The following PCSK5 variants were observed in gnomAD, a reference collection of about 807,000 sequenced individuals.
PCSK5 encodes the protein prohormone convertase 5.
PCSK5 carries 129 observed loss-of-function variants against 233.2 expected under a neutral mutation model. That is an observed-to-expected ratio of 0.55 (90% CI 0.48 to 0.64). The LOEUF (loss-of-function observed/expected upper bound fraction) is 0.64, where lower values mean the gene tolerates loss of function less well. Ranked by LOEUF, PCSK5 falls within the 30% of genes least tolerant of loss-of-function variation. PCSK5 has a pLI of 0.00. For missense variants in PCSK5, 2,076 were observed against 2,430.1 expected (o/e 0.85, Z 3.06); for synonymous variants, 825 against 879.2 (o/e 0.94, Z 1.09).
intron 1 of PCSK5, among the ~76,000 whole-genome samples, chr9:75,910,237 A>G (rs754869161): frequency 1.4e-4 from 22 of 152,202 alleles, no homozygotes; most frequent in Non-Finnish European, 3.1e-4. Flanking sequence ...AAGGAGAGAA[A>G]AAGATTGTGA....
intron 24 of PCSK5, among the ~76,000 whole-genome samples, chr9:76,243,961 C>T (rs571990388): frequency 7.2e-5 from 11 of 152,306 alleles, no homozygotes; most frequent in South Asian, 2.1e-4. Flanking sequence ...CAATGGCTCA[C>T]GCCTATAATT....
chr9:76,248,630 A>T (rs1177456955), intron 24 of PCSK5, among the ~76,000 whole-genome samples: 2 of 152,226 alleles, frequency 1.3e-5, no homozygotes, highest in African/African-American at 4.8e-5. Flanking sequence ...TCAAAGTACT[A>T]CTACAATTAA....
At chr9:76,172,482 C>T (rs1823372793) in intron 13 of PCSK5, among the ~76,000 whole-genome samples, 1 of 152,066 alleles carries the variant, frequency 6.6e-6, no homozygotes, top group African/African-American at 2.4e-5. Context: ...ATGAATTACA[C>T]AGGAAGGATA....
At chr9:75,922,028 A>G (rs989157453) in intron 1 of PCSK5, among the ~76,000 whole-genome samples, 11 of 152,176 alleles carry the variant, frequency 7.2e-5, no homozygotes, top group Admixed American at 6.5e-4. Flanking sequence ...AAGTCAGGAC[A>G]TTATCCTCAT....
At chr9:76,121,879 A>C (rs1356819391) in intron 9 of PCSK5, among the ~76,000 whole-genome samples, 2 of 37,652 alleles carry the variant, frequency 5.3e-5, no homozygotes, top group African/African-American at 1.4e-4. Context: ...GCTGGAGTGC[A>C]GTGGCGGGAT....
chr9:76,292,545 T>A (rs1287537998), intron 25 of PCSK5, among the ~76,000 whole-genome samples: 1 of 152,170 alleles, frequency 6.6e-6, no homozygotes, highest in Non-Finnish European at 1.5e-5. Context: ...AAGATTCAGA[T>A]CTTGCTGTTC....
At chr9:76,041,170 A>C (rs937037940) in intron 5 of PCSK5, among the ~76,000 whole-genome samples, 2 of 152,236 alleles carry the variant, frequency 1.3e-5, no homozygotes, top group African/African-American at 4.8e-5. Context: ...ATTATATTTG[A>C]AGTAAAAAGT....
At chr9:76,307,881 A>C (rs1446177737) in intron 28 of PCSK5, among the ~76,000 whole-genome samples, 1 of 152,106 alleles carries the variant, frequency 6.6e-6, no homozygotes, top group Non-Finnish European at 1.5e-5. Context: ...ATGAATTGTC[A>C]ATTATCATCT....
intron 9 of PCSK5, among the ~76,000 whole-genome samples, chr9:76,108,840 C>A (rs979376248): frequency 6.6e-6 from 1 of 152,120 alleles, no homozygotes; most frequent in African/African-American, 2.4e-5. Context: ...GACGGAGAGC[C>A]TATGTTAAGG....
intron 36 of PCSK5, 150 bp from the exon 37 acceptor site, chr9:76,353,883 A>G (rs754336889): frequency 3.7e-5 from 23 of 627,210 alleles, no homozygotes; most frequent in Non-Finnish European, 6.3e-5. Context: ...TTCACCCAAC[A>G]CAGTTAAAAT....
intron 2 of PCSK5, among the ~76,000 whole-genome samples, chr9:75,951,171 A>G (rs1034177550): frequency 2.0e-5 from 3 of 152,242 alleles, no homozygotes; most frequent in Non-Finnish European, 4.4e-5. Context: ...CAAAGGCTTC[A>G]TATGTAGACC....
At chr9:75,939,103 A>T (rs1362342581) in intron 2 of PCSK5, among the ~76,000 whole-genome samples, 1 of 152,178 alleles carries the variant, frequency 6.6e-6, no homozygotes, top group Non-Finnish European at 1.5e-5. Context: ...AAGTAGCCAC[A>T]TTGTAAGAGC....
intron 1 of PCSK5, among the ~76,000 whole-genome samples, chr9:75,903,148 G>T (rs1044593573): frequency 6.6e-6 from 1 of 152,120 alleles, no homozygotes; most frequent in African/African-American, 2.4e-5. Flanking sequence ...CAACAAAGCT[G>T]TGTTCTGAAC....
chr9:76,043,933 C>CT (rs765528226), intron 5 of PCSK5, among the ~76,000 whole-genome samples: 7 of 151,820 alleles, frequency 4.6e-5, no homozygotes, highest in Non-Finnish European at 8.8e-5. Flanking sequence ...ATCAGTCAGT[C>CT]TTTCTCTCTT....
rs1192301164 is a variant in PCSK5, at chr9:76,320,442, GA to G, written c.3885-969del. 6.0e-3 allele frequency among the ~76,000 whole-genome samples: 212 copies of G among 35,370 alleles called. 1 individual carries two copies. Among genetic ancestry groups the G allele is most frequent in the South Asian group, 0.03 (32 of 1,050 alleles). 23.2% of individuals were successfully genotyped at this position (35,370 alleles called of 152,430 possible). A position where few individuals can be genotyped will look rare whatever the true frequency, so the allele number is the denominator to read the frequency against. On this transcript the variant is annotated intron_variant, in intron 30 of 37. Coordinates refer to ENST00000674117, the MANE Select transcript of PCSK5 (RefSeq NM_001372043.1). ...AGACTCTGTCTCAAAAAAAAAAAAA[GA>G]AAAAAAAAAAGTACATTGTAGCTTT...
chr9:76,263,805 C>T (rs1827255808), intron 24 of PCSK5, among the ~76,000 whole-genome samples: 1 of 151,434 alleles, frequency 6.6e-6, no homozygotes, highest in South Asian at 2.1e-4. Flanking sequence ...AAAAAGAAAT[C>T]AGAGATGACA....
At chr9:76,163,402 T>C (rs1323350381) in intron 12 of PCSK5, among the ~76,000 whole-genome samples, 1 of 152,340 alleles carries the variant, frequency 6.6e-6, no homozygotes, top group East Asian at 1.9e-4. Flanking sequence ...TGCTAAGCGC[T>C]GGAAGGCACT....
At chr9:76,023,686 C>A in intron 3 of PCSK5, 52 bp from the exon 4 acceptor site, 1 of 1,478,662 alleles carries the variant, frequency 6.8e-7, no homozygotes, top group Non-Finnish European at 9.2e-7. Flanking sequence ...ATAGGTAATT[C>A]TTCCATTTCC....
chr9:76,012,671 G>A (rs1038979164), intron 3 of PCSK5, among the ~76,000 whole-genome samples: 5 of 152,258 alleles, frequency 3.3e-5, no homozygotes, highest in South Asian at 2.1e-4. Context: ...AAAGCATAAC[G>A]ATGAGTTATA....
Sources: gnomAD v4.1 joint callset for allele counts (sites outside exome capture counted in the v4.1 genomes callset) on GRCh38, gnomAD v4.1.1 for gene constraint, MANE v1.5 for transcripts, NCBI Gene and HGNC (gene_info 2026-07-23, HGNC 2026-07-21) for gene names.